The following RFX3 variants were observed in gnomAD, a reference collection of about 807,000 sequenced individuals.
The protein encoded by RFX3 is regulatory factor X3, also known as transcription factor RFX3.
RFX3 carries 14 observed loss-of-function variants against 98.6 expected under a neutral mutation model. The observed-to-expected ratio is 0.14, with a 90% CI of 0.09 to 0.22. The LOEUF (loss-of-function observed/expected upper bound fraction) is 0.22, where lower values mean the gene tolerates loss of function less well. Ranked by LOEUF, RFX3 falls within the 10% of genes least tolerant of loss-of-function variation. The probability of loss-of-function intolerance (pLI) is 1.00; values close to 1 mark genes in which losing one functional copy is unlikely to be tolerated. For missense variants in RFX3, 639 were observed against 926.9 expected (o/e 0.69, Z 4.03); for synonymous variants, 383 against 328.4 (o/e 1.17, Z -1.80).
intron 1 of RFX3, among the ~76,000 whole-genome samples, chr9:3,475,704 G>A (rs1292769683): frequency 6.6e-6 from 1 of 152,192 alleles, no homozygotes; most frequent in African/African-American, 2.4e-5. Flanking sequence ...GTACAGGATG[G>A]AACATGAAAG....
At chr9:3,287,603 C>G (rs907334723) in intron 7 of RFX3, among the ~76,000 whole-genome samples, 1 of 151,910 alleles carries the variant, frequency 6.6e-6, no homozygotes, top group Non-Finnish European at 1.5e-5. Context: ...ATTCATCCGT[C>G]CATCCATCCG....
intron 1 of RFX3, among the ~76,000 whole-genome samples, chr9:3,409,380 T>C (rs960435768): frequency 1.3e-5 from 2 of 152,248 alleles, no homozygotes; most frequent in Non-Finnish European, 2.9e-5. Context: ...ATTTGAAATA[T>C]CAATGATAAA....
intron 1 of RFX3, among the ~76,000 whole-genome samples, chr9:3,414,069 C>T (rs1455460126): frequency 1.3e-5 from 2 of 152,044 alleles, no homozygotes; most frequent in Non-Finnish European, 2.9e-5. Context: ...TCACAACAAC[C>T]TTGTGTGAAA....
At chr9:3,313,601 T>C (rs1830222266) in intron 4 of RFX3, among the ~76,000 whole-genome samples, 1 of 151,976 alleles carries the variant, frequency 6.6e-6, no homozygotes, top group Admixed American at 6.6e-5. Context: ...TTCGAACCCA[T>C]CACAAAGAAG....
intron 4 of RFX3, among the ~76,000 whole-genome samples, chr9:3,315,495 C>G (rs984492693): frequency 6.6e-5 from 10 of 152,050 alleles, no homozygotes; most frequent in African/African-American, 1.2e-4. Context: ...CATTCAAAAG[C>G]TAGCAGAAGG....
At chr9:3,357,889 T>A (rs974140802) in intron 2 of RFX3, among the ~76,000 whole-genome samples, 1 of 152,056 alleles carries the variant, frequency 6.6e-6, no homozygotes, top group African/African-American at 2.4e-5. Flanking sequence ...ATTTTAAAAA[T>A]GAGTTTCTCT....
At chr9:3,321,068 A>G (rs1017669898) in intron 4 of RFX3, among the ~76,000 whole-genome samples, 2 of 151,596 alleles carry the variant, frequency 1.3e-5, no homozygotes, top group Admixed American at 6.6e-5. Flanking sequence ...AAACCCAGCT[A>G]ATTTTTCTAT....
At chr9:3,408,555 T>G (rs767447705) in intron 1 of RFX3, among the ~76,000 whole-genome samples, 2 of 151,866 alleles carry the variant, frequency 1.3e-5, no homozygotes, top group East Asian at 3.9e-4. Context: ...ACTTCACTAT[T>G]TCAAAAAGTC....
In RFX3 at chr9:3,262,630, A is replaced by G. The variant is rs114877938; in HGVS notation, c.1605+305T>C. On this transcript the variant is annotated intron_variant, in intron 13 of 16. Coordinates refer to ENST00000617270, the MANE Select transcript of RFX3 (RefSeq NM_001282116.2). ...CCCAAGATCCCACAGCTGGTATATG[A>G]GACAGCTTAATTTCTTGCCTGTCTA... 9.3e-3 allele frequency among the ~76,000 whole-genome samples: 1,418 copies of G among 152,338 alleles called. 12 individuals carry two copies. The highest frequency in any genetic ancestry group is 0.027 in the African/African-American group (1,108 of 41,574).
chr9:3,289,655 A>T (rs1333034259), intron 6 of RFX3, among the ~76,000 whole-genome samples: 1 of 152,088 alleles, frequency 6.6e-6, no homozygotes, highest in African/African-American at 2.4e-5. Flanking sequence ...GTTTCCTACA[A>T]ATTAACATTT....
intron 7 of RFX3, among the ~76,000 whole-genome samples, chr9:3,277,908 C>T (rs75514975): frequency 3.9e-5 from 6 of 151,956 alleles, no homozygotes; most frequent in African/African-American, 1.4e-4. Flanking sequence ...ACATGATCAG[C>T]CTACAAATCC....
intron 1 of RFX3, among the ~76,000 whole-genome samples, chr9:3,446,556 G>C (rs1218776830): frequency 6.6e-6 from 1 of 151,628 alleles, no homozygotes; most frequent in Non-Finnish European, 1.5e-5. Context: ...ACCATTTCAA[G>C]ATGTAACCTT....
intron 1 of RFX3, among the ~76,000 whole-genome samples, chr9:3,471,600 T>C (rs1040938810): frequency 4.7e-4 from 72 of 152,242 alleles, no homozygotes; most frequent in African/African-American, 1.7e-3. Context: ...TAATCACTTA[T>C]GTTCCCAATA....
rs368324449 is a variant in RFX3 at position 3,425,413 on chromosome 9, A to T, written c.-8-29817T>A. 4.1e-4 allele frequency among the ~76,000 whole-genome samples: 62 copies of T among 152,178 alleles called. 2 individuals carry two copies. Among genetic ancestry groups the T allele is most frequent in the East Asian group, 3.7e-3 (19 of 5,198 alleles). On this transcript the variant is annotated intron_variant, in intron 1 of 16. Transcript: ENST00000617270. ...GAGCCTGCATTACTTTTATGATTTG[A>T]AAAACATTGTTCTTTAGTTTTAAAT...
chr9:3,239,398 C>A (rs537282044), intron 15 of RFX3, among the ~76,000 whole-genome samples: 1 of 152,328 alleles, frequency 6.6e-6, no homozygotes, highest in Non-Finnish European at 1.5e-5. Context: ...GTTTGCTCCA[C>A]ACGTGGGCAA....
chr9:3,300,363 T>C (rs1051059792), intron 5 of RFX3, among the ~76,000 whole-genome samples: 1 of 151,772 alleles, frequency 6.6e-6, no homozygotes, highest in Non-Finnish European at 1.5e-5. Context: ...CTGGTTTTGT[T>C]TTCCATGATA....
At chr9:3,401,178 G>A (rs1309218699) in intron 1 of RFX3, among the ~76,000 whole-genome samples, 1 of 152,138 alleles carries the variant, frequency 6.6e-6, no homozygotes, top group Non-Finnish European at 1.5e-5. Context: ...TATTTTTCCA[G>A]AGGCATTTTT....
intron 2 of RFX3, among the ~76,000 whole-genome samples, chr9:3,358,425 T>A (rs1436409944): frequency 6.6e-6 from 1 of 152,052 alleles, no homozygotes; most frequent in South Asian, 2.1e-4. Flanking sequence ...GAAATGAAAC[T>A]GGGAAAATGT....
chr9:3,454,143 CAA>C (rs1426539385), intron 1 of RFX3, among the ~76,000 whole-genome samples: 1 of 152,054 alleles, frequency 6.6e-6, no homozygotes, highest in African/African-American at 2.4e-5. Flanking sequence ...TTTCCTGTCT[CAA>C]AAAAGTAGCT....
Sources: allele counts gnomAD v4.1 joint callset (sites outside exome capture counted in the v4.1 genomes callset), GRCh38; gene constraint gnomAD v4.1.1; transcripts MANE v1.5; gene names NCBI Gene and HGNC (gene_info 2026-07-23, HGNC 2026-07-21).